The following ITPRID1 variants were observed in gnomAD, a reference collection of about 807,000 sequenced individuals.
ITPRID1 encodes the protein ITPR interacting domain containing 1.
ITPRID1 carries 96 observed loss-of-function variants against 95.4 expected under a neutral mutation model. That is an observed-to-expected ratio of 1.01 (90% CI 0.85 to 1.19). The LOEUF (loss-of-function observed/expected upper bound fraction) is 1.19, where lower values mean the gene tolerates loss of function less well. ITPRID1 is among the 50% of genes most tolerant of loss of function. ITPRID1 has a pLI of 0.00. For missense variants in ITPRID1, 1,339 were observed against 1,252.9 expected, an observed-to-expected ratio of 1.07 and a Z score of -1.04; for synonymous variants, 510 against 453.6, an observed-to-expected ratio of 1.12 and a Z score of -1.58.
At chr7:31,622,255 C>T (rs1361389320) in intron 10 of ITPRID1, among the ~76,000 whole-genome samples, 2 of 149,268 alleles carry the variant, frequency 1.3e-5, no homozygotes, top group Non-Finnish European at 3.0e-5. Flanking sequence ...CCAAGCGGAC[C>T]TAATAGGCAT....
chr7:31,554,629 TC>T, intron 4 of ITPRID1, 106 bp downstream of exon 4: 1 of 1,380,454 alleles, frequency 7.2e-7, no homozygotes, highest in Non-Finnish European at 1.0e-6. Context: ...GTAGGGATTT[TC>T]ATTTTAATTG....
At chr7:31,590,473 G>C (rs1785817038) in intron 10 of ITPRID1, among the ~76,000 whole-genome samples, 1 of 152,116 alleles carries the variant, frequency 6.6e-6, no homozygotes, top group South Asian at 2.1e-4. Flanking sequence ...AGTTTTGTCT[G>C]GGGTTCTAAA....
At chr7:31,572,990 C>T (rs974388597) in intron 7 of ITPRID1, among the ~76,000 whole-genome samples, 1 of 152,160 alleles carries the variant, frequency 6.6e-6, no homozygotes, top group African/African-American at 2.4e-5. Flanking sequence ...ATCTTTCATG[C>T]AACTTTAGAT....
At chr7:31,514,896 T>C (rs146998116) in intron 1 of ITPRID1, among the ~76,000 whole-genome samples, 11 of 151,694 alleles carry the variant, frequency 7.3e-5, no homozygotes, top group African/African-American at 2.4e-4. Flanking sequence ...TTACATAATA[T>C]ATATAAAATA....
chr7:31,636,956 G>C (rs1252176663), intron 10 of ITPRID1, among the ~76,000 whole-genome samples: 2 of 136,864 alleles, frequency 1.5e-5, no homozygotes, highest in South Asian at 4.5e-4. Flanking sequence ...TTATTGTTCA[G>C]TTCCCACCTA....
chr7:31,525,572 A>G (rs1221002655), intron 1 of ITPRID1, among the ~76,000 whole-genome samples: 2 of 152,216 alleles, frequency 1.3e-5, no homozygotes, highest in Admixed American at 1.3e-4. Context: ...TACACAGTAG[A>G]GGCAGCATTT....
chr7:31,540,742 A>G (rs1783906881), intron 1 of ITPRID1, among the ~76,000 whole-genome samples: 1 of 152,184 alleles, frequency 6.6e-6, no homozygotes, highest in Non-Finnish European at 1.5e-5. Flanking sequence ...ACCATCAAAT[A>G]CCTATAAGTT....
intron 12 of ITPRID1, among the ~76,000 whole-genome samples, chr7:31,647,756 T>G (rs1562656669): frequency 6.6e-6 from 1 of 150,826 alleles, no homozygotes. Flanking sequence ...TGAGCAGATG[T>G]TGAAACTAAG....
At chr7:31,613,314 T>C (rs1436161819) in intron 10 of ITPRID1, among the ~76,000 whole-genome samples, 1 of 152,184 alleles carries the variant, frequency 6.6e-6, no homozygotes, top group African/African-American at 2.4e-5. Flanking sequence ...CCTCAGATTA[T>C]TGAAAGCCTT....
At chr7:31,615,403 T>TAGAC (rs1229803630) in intron 10 of ITPRID1, among the ~76,000 whole-genome samples, 2 of 152,168 alleles carry the variant, frequency 1.3e-5, no homozygotes, top group Non-Finnish European at 2.9e-5. Context: ...GTAAGGATTA[T>TAGAC]AGACAATGTG....
At position 31,608,963 on chromosome 7, in the gene ITPRID1, T is replaced by G. The variant is rs567605164; in HGVS notation, c.1228+25772T>G. On this transcript the variant is annotated intron_variant, in intron 10 of 14. Coordinates refer to ENST00000615280, the MANE Select transcript of ITPRID1 (RefSeq NM_001257967.3). ...ATGTATGATGTTAGCGATGGCCTTT[T>G]TGTAGATGTCTTTTATAGGTAGAGG... is the stretch of plus-strand genomic sequence containing the variant. Among the ~76,000 whole-genome samples the G allele has an allele frequency of 6.6e-5, 10 of 151,876 alleles. No individual in the cohort carries two copies. The East Asian group carries it at 1.9e-3, about 29-fold the overall frequency.
At chr7:31,610,736 T>C (rs1786829018) in intron 10 of ITPRID1, among the ~76,000 whole-genome samples, 1 of 151,616 alleles carries the variant, frequency 6.6e-6, no homozygotes, top group Non-Finnish European at 1.5e-5. Context: ...GTCTATATAA[T>C]AGGTAATATG....
intron 3 of ITPRID1, 74 bp from the exon 4 acceptor site, chr7:31,554,401 G>T (rs1464862045): frequency 1.3e-6 from 2 of 1,547,596 alleles, no homozygotes; most frequent in Non-Finnish European, 8.8e-7. Context: ...ACTGAGTGGC[G>T]GCTGAGTAAA....
chr7:31,529,743 C>A, intron 1 of ITPRID1: 1 of 1,533,028 alleles, frequency 6.5e-7, no homozygotes, highest in Non-Finnish European at 8.7e-7. Context: ...GACAAAAAGG[C>A]ACAGAAGATC....
At chr7:31,636,194 A>T (rs377523809) in intron 10 of ITPRID1, among the ~76,000 whole-genome samples, 17 of 152,228 alleles carry the variant, frequency 1.1e-4, no homozygotes, top group African/African-American at 3.9e-4. Context: ...CCCTCCCATG[A>T]CATGTGGGGA....
intron 10 of ITPRID1, among the ~76,000 whole-genome samples, chr7:31,621,048 G>C (rs1787827722): frequency 1.3e-5 from 2 of 151,770 alleles, no homozygotes; most frequent in African/African-American, 4.8e-5. Context: ...AAGAAGGGAA[G>C]TTTAGAGAAA....
intron 10 of ITPRID1, among the ~76,000 whole-genome samples, chr7:31,633,298 CAAATGTA>C (rs540127345): frequency 9.3e-4 from 141 of 152,250 alleles, no homozygotes; most frequent in African/African-American, 3.3e-3. Context: ...CTATGACCGA[CAAATGTA>C]AAATGCTAAG....
intron 10 of ITPRID1, among the ~76,000 whole-genome samples, chr7:31,616,293 T>A (rs1181797823): frequency 2.3e-4 from 35 of 152,198 alleles, no homozygotes; most frequent in African/African-American, 8.0e-4. Flanking sequence ...AATTATTGTA[T>A]TTATGGTTAT....
At chr7:31,617,674 CTTGTCATTTTCTGAT>C (rs1787392242) in intron 10 of ITPRID1, among the ~76,000 whole-genome samples, 1 of 151,926 alleles carries the variant, frequency 6.6e-6, no homozygotes, top group Non-Finnish European at 1.5e-5. Flanking sequence ...CCACGATACT[CTTGTCATTTTCTGAT>C]TTATATTAGT....
Sources: gnomAD v4.1 joint callset for allele counts (sites outside exome capture counted in the v4.1 genomes callset) on GRCh38, gnomAD v4.1.1 for gene constraint, MANE v1.5 for transcripts, NCBI Gene and HGNC (gene_info 2026-07-23, HGNC 2026-07-21) for gene names.